Variants in OR1J2 observed in about 807,000 individuals in gnomAD.
OR1J2 encodes olfactory receptor family 1 subfamily J member 2, also known as olfactory receptor 1J2.
For synonymous variants in OR1J2, 142 were observed against 99.7 expected (o/e 1.42, Z -2.52); for missense variants, 304 against 246.1 (o/e 1.24, Z -1.57).
chr9:122,568,502 G>C, the OR1J2 span: 34 of 1,403,460 alleles, frequency 2.4e-5, no homozygotes, highest in African/African-American at 4.9e-4. Flanking sequence ...TTATAAACAA[G>C]AAGTTTTGTC....
the OR1J2 span, among the ~76,000 whole-genome samples, chr9:122,450,624 C>A: frequency 6.6e-6 from 1 of 152,138 alleles, no homozygotes; most frequent in South Asian, 2.1e-4. Context: ...ACTCTTTCAG[C>A]CATTTTGAAA....
At chr9:122,519,340 C>T in the OR1J2 span, 1 of 1,614,174 alleles carries the variant, frequency 6.2e-7, no homozygotes, top group Non-Finnish European at 8.5e-7. Context: ...AGCCACTTGG[C>T]TCTCACTGAC....
At chr9:122,508,817 A>G (rs1351939392), upstream of OR1J2, among the ~76,000 whole-genome samples, 3 of 152,198 alleles carry the variant, frequency 2.0e-5, no homozygotes, top group Non-Finnish European at 2.9e-5. Context: ...AACCTCACAA[A>G]TGTTATTATA....
the OR1J2 span, among the ~76,000 whole-genome samples, chr9:122,464,835 T>C: frequency 6.6e-6 from 1 of 152,212 alleles, no homozygotes; most frequent in Non-Finnish European, 1.5e-5. Context: ...TAAGATGCCT[T>C]GCATCCTTTT....
At chr9:122,577,818 A>G in the OR1J2 span, among the ~76,000 whole-genome samples, 1 of 152,174 alleles carries the variant, frequency 6.6e-6, no homozygotes, top group Admixed American at 6.5e-5. Context: ...TCTCAATTAC[A>G]TTAAGCCATG....
chr9:122,469,659 A>G, the OR1J2 span, among the ~76,000 whole-genome samples: 1 of 152,248 alleles, frequency 6.6e-6, no homozygotes, highest in Non-Finnish European at 1.5e-5. Context: ...TCAGAAGAAG[A>G]CAGGAAAATG....
At chr9:122,477,368 A>T in the OR1J2 span, 22 of 1,613,964 alleles carry the variant, frequency 1.4e-5, no homozygotes, top group African/African-American at 2.4e-4. Context: ...GAGCAGGACA[A>T]CTTGAGCAGG....
chr9:122,488,339 A>G, the OR1J2 span, among the ~76,000 whole-genome samples: 2 of 152,072 alleles, frequency 1.3e-5, no homozygotes, highest in African/African-American at 4.8e-5. Flanking sequence ...GGGTTTTGCC[A>G]TGTTGCCCAG....
the OR1J2 span, among the ~76,000 whole-genome samples, chr9:122,571,547 CAAA>C: frequency 5.3e-3 from 669 of 126,848 alleles, 4 homozygotes; most frequent in Admixed American, 0.016. Context: ...CAGACTGTCT[CAAA>C]AAAAAAAAAA....
downstream of OR1J2, among the ~76,000 whole-genome samples, chr9:122,512,752 G>A (rs776296417): frequency 3.9e-5 from 6 of 152,008 alleles, no homozygotes; most frequent in Admixed American, 1.3e-4. Context: ...CCAAAGTTTG[G>A]AAAAAAATTA....
chr9:122,511,550 T>C lies in OR1J2; in HGVS notation c.749T>C (p.Leu250Pro). The C allele has an allele frequency of 1.3e-6, 1 of 781,034 alleles. No individual in the cohort carries two copies. The highest frequency in any genetic ancestry group is 2.4e-6 in the Non-Finnish European group (1 of 418,122). 48.4% of individuals were successfully genotyped at this position (781,034 alleles called of 1,614,324 possible). A position where few individuals can be genotyped will look rare whatever the true frequency, so the allele number is the denominator to read the frequency against. ...TCGSHLSVVSLYYGSIFGQYL... is the reference protein window; with the variant it reads ...TCGSHLSVVSPYYGSIFGQYL... Reference sequence around the variant, plus strand: ...GGCTCCCATCTCTCTGTGGTGTCTCTCTATTATGGGTCAATATTTGGCCAG... The same window carrying C: ...GGCTCCCATCTCTCTGTGGTGTCTCCCTATTATGGGTCAATATTTGGCCAG... The change falls in exon 1 of 1, where the codon CTC becomes CCC. Residue 250 changes from leucine (L) to proline (P), a missense_variant. By Grantham distance (98) the Leu-to-Pro change is moderately conservative. Transcript: ENST00000335302.
upstream of OR1J2, among the ~76,000 whole-genome samples, chr9:122,507,101 C>T (rs1399795759): frequency 2.0e-5 from 3 of 152,138 alleles, no homozygotes; most frequent in Non-Finnish European, 2.9e-5. Context: ...GGTGCCTTAT[C>T]TGTGGTAGGT....
At chr9:122,570,478 T>C in the OR1J2 span, among the ~76,000 whole-genome samples, 23 of 152,264 alleles carry the variant, frequency 1.5e-4, no homozygotes, top group Non-Finnish European at 2.6e-4. Flanking sequence ...ACATTTTTCT[T>C]GTAAGTTACT....
chr9:122,474,890 A>G, the OR1J2 span, among the ~76,000 whole-genome samples: 1 of 152,196 alleles, frequency 6.6e-6, no homozygotes, highest in Non-Finnish European at 1.5e-5. Context: ...CTCTGGAGCC[A>G]GTGGACTCCG....
the OR1J2 span, among the ~76,000 whole-genome samples, chr9:122,552,837 C>T: frequency 1.3e-5 from 2 of 148,682 alleles, no homozygotes; most frequent in African/African-American, 5.0e-5. Context: ...CATGCATCTT[C>T]TTTCCAATTG....
upstream of OR1J2, among the ~76,000 whole-genome samples, chr9:122,507,227 G>A (rs138962586): frequency 1.6e-3 from 246 of 152,290 alleles, no homozygotes; most frequent in African/African-American, 5.0e-3. Flanking sequence ...CAGATAAGTC[G>A]TGACCTTTGA....
At chr9:122,474,636 C>T in the OR1J2 span, among the ~76,000 whole-genome samples, 1 of 152,186 alleles carries the variant, frequency 6.6e-6, no homozygotes, top group African/African-American at 2.4e-5. Flanking sequence ...CTCATGCTTA[C>T]GTGTCTGAGA....
At chr9:122,545,561 G>C in the OR1J2 span, among the ~76,000 whole-genome samples, 1 of 151,942 alleles carries the variant, frequency 6.6e-6, no homozygotes, top group Non-Finnish European at 1.5e-5. Context: ...TTATTATTAT[G>C]AAACATCTTC....
chr9:122,529,014 A>G, the OR1J2 span, among the ~76,000 whole-genome samples: 1 of 152,212 alleles, frequency 6.6e-6, no homozygotes, highest in African/African-American at 2.4e-5. Flanking sequence ...GTTATCTTCA[A>G]ATTGATAGCT....
Sources: allele counts gnomAD v4.1 joint callset (sites outside exome capture counted in the v4.1 genomes callset), GRCh38; gene constraint gnomAD v4.1.1; transcripts MANE v1.5; gene names NCBI Gene and HGNC (gene_info 2026-07-23, HGNC 2026-07-21).